Variants in RPE observed in about 807,000 individuals in gnomAD.
RPE encodes the protein ribulose-5-phosphate-3-epimerase, also known as ribulose-phosphate 3-epimerase.
Under a neutral mutation model 24.6 loss-of-function variants are expected in RPE, and 16 were observed. That is an observed-to-expected ratio of 0.65 (90% CI 0.44 to 0.99). RPE has a LOEUF of 0.99. Ranked by LOEUF, RPE falls within the 50% of genes least tolerant of loss-of-function variation. The pLI, the probability that RPE is intolerant of heterozygous loss-of-function variation, is 0.00. For synonymous variants in RPE, 93 were observed against 98.4 expected (o/e 0.94, Z 0.33); for missense variants, 240 against 294.5 (o/e 0.81, Z 1.35).
intron 5 of RPE, chr2:210,018,182 C>T: frequency 6.5e-7 from 1 of 1,534,664 alleles, no homozygotes; most frequent in South Asian, 1.2e-5. Flanking sequence ...GTTTCACGGC[C>T]TTGGAAGTGA....
At chr2:210,018,370 T>C (rs2093808158) in intron 5 of RPE, 1 of 1,324,102 alleles carries the variant, frequency 7.6e-7, no homozygotes, top group Admixed American at 3.7e-5. Flanking sequence ...TTTGGCTATC[T>C]GTATAGAAGT....
chr2:210,014,928 CCTT>C (rs920243305), intron 2 of RPE, among the ~76,000 whole-genome samples: 1 of 152,164 alleles, frequency 6.6e-6, no homozygotes, highest in Non-Finnish European at 1.5e-5. Context: ...GCTGCCCTCT[CCTT>C]CTTATGAAAT....
intron 1 of RPE, among the ~76,000 whole-genome samples, chr2:210,008,505 AGG>A (rs2093660320): frequency 1.3e-5 from 2 of 151,722 alleles, no homozygotes; most frequent in Non-Finnish European, 2.9e-5. Flanking sequence ...CATGTTGGCC[AGG>A]CTGGTCTTGA....
At chr2:210,009,852 G>A in intron 2 of RPE, 116 bp downstream of exon 2, 2 of 1,393,996 alleles carry the variant, frequency 1.4e-6, no homozygotes, top group Non-Finnish European at 2.0e-6. Flanking sequence ...TTCCTATCCT[G>A]GGTCTTCATT....
Position 210,018,928 on chromosome 2 carries a change from A to G in RPE, c.565-741A>G, listed in dbSNP as rs766336089. ...ATGTTGTCATACATGAAGTGACACT[A>G]TCTGTCTGGAAAAATTTTCCTCAGC... On this transcript the variant is annotated intron_variant, in intron 5 of 5. Coordinates refer to ENST00000359429, the MANE Select transcript of RPE (RefSeq NM_199229.3). 3.3e-5 allele frequency among the ~76,000 whole-genome samples: 5 copies of G among 152,274 alleles called. No individual in the cohort carries two copies. In the South Asian group the frequency reaches 8.3e-4, roughly 25 times the overall value.
chr2:210,016,678 C>T, intron 4 of RPE, 37 bp downstream of exon 4: 1 of 1,613,484 alleles, frequency 6.2e-7, no homozygotes, highest in Non-Finnish European at 8.5e-7. Flanking sequence ...GAGGCTTTTA[C>T]AGTGTGTTCA....
intron 2 of RPE, among the ~76,000 whole-genome samples, chr2:210,010,575 T>C (rs2093686571): frequency 6.6e-6 from 1 of 152,204 alleles, no homozygotes; most frequent in Non-Finnish European, 1.5e-5. Flanking sequence ...AAATAGTTTT[T>C]TTAACGTAGC....
chr2:210,021,283 T>C lies in RPE; in HGVS notation c.*1492T>C, dbSNP rs1559486635. On this transcript the variant is annotated 3_prime_UTR_variant, in exon 6 of 6. Coordinates refer to ENST00000359429, the MANE Select transcript of RPE (RefSeq NM_199229.3). ...AATAAGGTTCAAAAAATAAGAATGC[T>C]AACACTTAAGCACAGACTAGAGCTT... The C allele has an allele frequency of 6.6e-6, 1 of 152,134 alleles. No individual in the cohort carries two copies. 9.4% of individuals were successfully genotyped at this position (152,134 alleles called of 1,614,324 possible). A position where few individuals can be genotyped will look rare whatever the true frequency, so the allele number is the denominator to read the frequency against.
rs1286417764 is a variant in RPE, at chr2:210,020,674, A to C, written c.*883A>C. On this transcript the variant is annotated 3_prime_UTR_variant, in exon 6 of 6. Transcript: ENST00000359429. ...TTCCAGTACTAGTCCCAGAATTTAG[A>C]ATATGCTCAACACAAAGTAAACAGC... The C allele has an allele frequency of 6.0e-6, 1 of 166,716 alleles. No individual in the cohort carries two copies. The highest frequency in any genetic ancestry group is 2.4e-5 in the African/African-American group (1 of 41,464). The allele number at this position is 166,716 out of a possible 1,614,324, so 10.3% of individuals were successfully genotyped here.
chr2:210,007,401 C>T (rs898807245), intron 1 of RPE, among the ~76,000 whole-genome samples: 3 of 152,194 alleles, frequency 2.0e-5, no homozygotes, highest in Non-Finnish European at 4.4e-5. Flanking sequence ...ATTGCAGTCA[C>T]CTACCCTCTT....
chr2:210,009,625 C>T (rs1199204413), intron 1 of RPE, 32 bp from the exon 2 acceptor site: 1 of 1,613,560 alleles, frequency 6.2e-7, no homozygotes, highest in Non-Finnish European at 8.5e-7. Context: ...GAATTGAAAA[C>T]ATTTTCAGAG....
At chr2:210,003,517 G>A (rs1172163196) in intron 1 of RPE, 2 of 1,154,702 alleles carry the variant, frequency 1.7e-6, no homozygotes, top group Non-Finnish European at 2.3e-6. Context: ...ATTGTTTGGA[G>A]TCAGGATATT....
chr2:210,017,417 A>AC, intron 4 of RPE, 56 bp from the exon 5 acceptor site: 4 of 368,164 alleles, frequency 1.1e-5, no homozygotes, highest in Non-Finnish European at 2.0e-5. Flanking sequence ...CCCCACCCCC[A>AC]CCCCCACCAA....
chr2:210,004,581 A>C (rs905018595), intron 1 of RPE, among the ~76,000 whole-genome samples: 5 of 152,232 alleles, frequency 3.3e-5, no homozygotes, highest in African/African-American at 9.6e-5. Flanking sequence ...TCAAAAAAGC[A>C]ACTAATAATT....
intron 1 of RPE, among the ~76,000 whole-genome samples, chr2:210,007,509 G>A (rs954426789): frequency 6.6e-6 from 1 of 152,110 alleles, no homozygotes; most frequent in Non-Finnish European, 1.5e-5. Flanking sequence ...ACTGAGCTTG[G>A]CATTTGACAC....
At chr2:210,007,511 A>G (rs1206093723) in intron 1 of RPE, among the ~76,000 whole-genome samples, 1 of 152,214 alleles carries the variant, frequency 6.6e-6, no homozygotes, top group Non-Finnish European at 1.5e-5. Context: ...TGAGCTTGGC[A>G]TTTGACACCT....
intron 1 of RPE, among the ~76,000 whole-genome samples, chr2:210,005,662 G>A (rs891993017): frequency 2.6e-5 from 4 of 151,986 alleles, no homozygotes; most frequent in Non-Finnish European, 5.9e-5. Context: ...AGACTTGCTA[G>A]CACTGGGCCC....
At chr2:210,015,301 T>A (rs889173450) in intron 2 of RPE, among the ~76,000 whole-genome samples, 9 of 152,250 alleles carry the variant, frequency 5.9e-5, no homozygotes, top group Non-Finnish European at 1.3e-4. Context: ...CGTAGCTTCC[T>A]CAGTCGATAG....
At chr2:210,018,530 T>C in intron 5 of RPE, 1 of 985,186 alleles carries the variant, frequency 1.0e-6, no homozygotes, top group Non-Finnish European at 1.2e-6. Flanking sequence ...TACTTCCAGG[T>C]TCTTGTATAA....
Sources: allele counts gnomAD v4.1 joint callset (sites outside exome capture counted in the v4.1 genomes callset), GRCh38; gene constraint gnomAD v4.1.1; transcripts MANE v1.5; gene names NCBI Gene and HGNC (gene_info 2026-07-23, HGNC 2026-07-21).